RGPD2: variants seen among roughly 807,000 people sequenced by gnomAD.
The protein encoded by RGPD2 is RANBP2 like and GRIP domain containing 2.
A neutral mutation model predicts 36.0 loss-of-function variants in RGPD2; 2 were observed. The observed-to-expected ratio is 0.06, with a 90% CI of 0.02 to 0.17. The LOEUF is 0.17. RGPD2 is among the 10% of genes least tolerant of loss of function. RGPD2 has a pLI of 1.00. For missense variants in RGPD2, 40 were observed against 464.3 expected (o/e 0.09, Z 8.40); for synonymous variants, 19 against 163.8 (o/e 0.12, Z 6.75).
At chr2:87,858,549 T>C in the RGPD2 span, among the ~76,000 whole-genome samples, 5 of 146,324 alleles carry the variant, frequency 3.4e-5, no homozygotes, top group East Asian at 1.0e-3. Context: ...GCACTGAGAT[T>C]ACACGAGTGA....
chr2:87,879,538 C>A, the RGPD2 span, among the ~76,000 whole-genome samples: 1 of 109,288 alleles, frequency 9.2e-6, no homozygotes, highest in Non-Finnish European at 1.8e-5. Context: ...GTTTTAGTTT[C>A]TAGCTGCCAC....
the RGPD2 span, chr2:87,985,727 A>T: frequency 2.5e-6 from 4 of 1,588,946 alleles, no homozygotes; most frequent in Non-Finnish European, 3.4e-6. Context: ...ATTTACTTAC[A>T]TTTCTAGTCC....
chr2:87,762,749 CAAATT>C (rs1176764316), intron 22 of RGPD2, among the ~76,000 whole-genome samples: 1 of 33,002 alleles, frequency 3.0e-5, no homozygotes, highest in Non-Finnish European at 5.2e-5. Context: ...ACAACAAAAA[CAAATT>C]AAAAAACCCA....
chr2:87,776,514 TTAAA>T (rs1483310241), intron 20 of RGPD2, among the ~76,000 whole-genome samples: 2 of 150,740 alleles, frequency 1.3e-5, no homozygotes, highest in Admixed American at 1.4e-4. Flanking sequence ...GTAATAGTAA[TTAAA>T]TAAGACAGTG....
chr2:87,939,082 CT>C, the RGPD2 span, among the ~76,000 whole-genome samples: 1 of 135,408 alleles, frequency 7.4e-6, no homozygotes, highest in South Asian at 2.7e-4. Flanking sequence ...GCCATGGAAA[CT>C]ATTTAATGTT....
At chr2:87,972,816 A>G in the RGPD2 span, 23 of 1,611,560 alleles carry the variant, frequency 1.4e-5, no homozygotes, top group East Asian at 2.2e-5. Flanking sequence ...ACCTACTACT[A>G]TGAGCTCTGG....
At chr2:87,915,655 T>C in the RGPD2 span, among the ~76,000 whole-genome samples, 3 of 147,448 alleles carry the variant, frequency 2.0e-5, no homozygotes, top group Non-Finnish European at 4.5e-5. Flanking sequence ...CACATATATA[T>C]GTGTGTATAT....
chr2:87,824,442 T>C (rs1574029416), intron 1 of RGPD2, among the ~76,000 whole-genome samples: 1 of 152,070 alleles, frequency 6.6e-6, no homozygotes, highest in South Asian at 2.1e-4. Flanking sequence ...AGTTCACAGA[T>C]GGCCAGCCTC....
the RGPD2 span, among the ~76,000 whole-genome samples, chr2:87,911,043 TTC>T: frequency 3.5e-5 from 5 of 143,928 alleles, no homozygotes; most frequent in Non-Finnish European, 6.1e-5. Context: ...TTGATTCTAG[TTC>T]TGATTGATTC....
At chr2:87,904,928 C>T in the RGPD2 span, among the ~76,000 whole-genome samples, 2 of 149,862 alleles carry the variant, frequency 1.3e-5, no homozygotes, top group East Asian at 4.0e-4. Context: ...GACAAGGTGC[C>T]ACACAGGCAT....
the RGPD2 span, among the ~76,000 whole-genome samples, chr2:87,957,904 G>A: frequency 3.9e-5 from 6 of 152,302 alleles, no homozygotes; most frequent in African/African-American, 1.2e-4. Flanking sequence ...CTAACAAAGA[G>A]AATCATGGAT....
At chr2:87,846,759 T>C in the RGPD2 span, among the ~76,000 whole-genome samples, 6,492 of 101,030 alleles carry the variant, frequency 0.064, no homozygotes, top group African/African-American at 0.084. Flanking sequence ...AAAGTCATGT[T>C]ATATTTGTAT....
intron 4 of RGPD2, among the ~76,000 whole-genome samples, chr2:87,815,154 A>C (rs1324066807): frequency 6.8e-6 from 1 of 148,020 alleles, no homozygotes; most frequent in East Asian, 2.0e-4. Context: ...AACTATATAC[A>C]TACACATTGT....
At chr2:87,957,680 T>C in the RGPD2 span, among the ~76,000 whole-genome samples, 1 of 152,252 alleles carries the variant, frequency 6.6e-6, no homozygotes, top group Non-Finnish European at 1.5e-5. Flanking sequence ...TTTTAACATA[T>C]GAATTTTGGG....
intron 21 of RGPD2, among the ~76,000 whole-genome samples, chr2:87,773,692 T>TAA (rs1685204697): frequency 7.1e-4 from 4 of 5,650 alleles, no homozygotes; most frequent in South Asian, 3.0e-3. Flanking sequence ...CAAGACTATC[T>TAA]CAAAAAAAAA....
the RGPD2 span, among the ~76,000 whole-genome samples, chr2:87,961,317 C>G: frequency 4.6e-5 from 7 of 152,308 alleles, no homozygotes; most frequent in South Asian, 1.4e-3. Context: ...CTGTGACGCA[C>G]TTGTGTACTG....
chr2:87,915,427 A>G, the RGPD2 span, among the ~76,000 whole-genome samples: 6 of 141,060 alleles, frequency 4.3e-5, no homozygotes, highest in African/African-American at 7.8e-5. Flanking sequence ...ATGTATATGT[A>G]TATATGTATG....
chr2:87,912,711 A>T, the RGPD2 span, among the ~76,000 whole-genome samples: 16 of 83,474 alleles, frequency 1.9e-4, no homozygotes, highest in African/African-American at 7.7e-4. Flanking sequence ...GTTTCCACAA[A>T]GTCTGGATCC....
chr2:87,842,805 A>C, the RGPD2 span, among the ~76,000 whole-genome samples: 1 of 151,630 alleles, frequency 6.6e-6, no homozygotes, highest in Admixed American at 6.6e-5. Flanking sequence ...ACCTGACTTC[A>C]AACTATACTA....
Sources: gnomAD v4.1 joint callset for allele counts (sites outside exome capture counted in the v4.1 genomes callset) on GRCh38, gnomAD v4.1.1 for gene constraint, MANE v1.5 for transcripts, NCBI Gene and HGNC (gene_info 2026-07-23, HGNC 2026-07-21) for gene names.